Variants in NSUN6 observed in about 807,000 individuals in gnomAD.
NSUN6 encodes the protein NOP2/Sun RNA methyltransferase 6.
In NSUN6, 64 loss-of-function variants were observed where a neutral mutation model predicts 58.0. The ratio of observed to expected loss-of-function variants is 1.10; its 90% CI spans 0.90 to 1.36. NSUN6 has a LOEUF of 1.36. NSUN6 is among the 40% of genes most tolerant of loss of function. NSUN6 has a pLI of 0.00. For missense variants in NSUN6, 701 were observed against 550.1 expected (o/e 1.27, Z -2.74); for synonymous variants, 231 against 193.9 (o/e 1.19, Z -1.59).
At chr10:18,626,583 C>A (rs936402527) in intron 3 of NSUN6, among the ~76,000 whole-genome samples, 11 of 152,172 alleles carry the variant, frequency 7.2e-5, no homozygotes, top group African/African-American at 2.7e-4. Context: ...ACCTGGCCAA[C>A]ATGGTGAAAC....
At chr10:18,611,742 G>C (rs1374947872) in intron 5 of NSUN6, among the ~76,000 whole-genome samples, 1 of 151,734 alleles carries the variant, frequency 6.6e-6, no homozygotes, top group Non-Finnish European at 1.5e-5. Context: ...GTGTGTGTGT[G>C]TGTGTGTCTG....
At chr10:18,609,772 T>A (rs4748493) in intron 6 of NSUN6, 73 bp downstream of exon 6, 458,795 of 868,164 alleles carry the variant, frequency 0.53, 126,715 homozygotes, top group East Asian at 0.98. Flanking sequence ...AATTTTAAAA[T>A]ATCCTAGATT....
chr10:18,620,936 T>C (rs576704832), intron 3 of NSUN6, among the ~76,000 whole-genome samples: 1 of 152,240 alleles, frequency 6.6e-6, no homozygotes, highest in Non-Finnish European at 1.5e-5. Flanking sequence ...GGGGAAAGGA[T>C]GAATTCTGGA....
chr10:18,578,009 G>T (rs1203186296), intron 8 of NSUN6, among the ~76,000 whole-genome samples: 1 of 152,190 alleles, frequency 6.6e-6, no homozygotes, highest in Non-Finnish European at 1.5e-5. Flanking sequence ...ATCTGTAAGG[G>T]CGTACCCTTC....
chr10:18,635,784 G>A (rs1461153279), intron 3 of NSUN6, among the ~76,000 whole-genome samples: 2 of 151,684 alleles, frequency 1.3e-5, no homozygotes, highest in Admixed American at 6.6e-5. Context: ...GTTGCAGTGA[G>A]CCGAGATCCT....
At chr10:18,553,930 TATGGA>T (rs997419215) in intron 8 of NSUN6, among the ~76,000 whole-genome samples, 40 of 138,722 alleles carry the variant, frequency 2.9e-4, no homozygotes, top group African/African-American at 1.0e-3. Flanking sequence ...TGGAGAACGG[TATGGA>T]ATGGAATGGA....
At chr10:18,595,212 G>A (rs537705293) in intron 7 of NSUN6, among the ~76,000 whole-genome samples, 1 of 152,204 alleles carries the variant, frequency 6.6e-6, no homozygotes, top group South Asian at 2.1e-4. Flanking sequence ...TGAATCCCAT[G>A]GACTCCTGAG....
At chr10:18,652,668 T>A, upstream of NSUN6, 7 of 707,384 alleles carry the variant, frequency 9.9e-6, no homozygotes, top group Non-Finnish European at 1.2e-5. Flanking sequence ...CAAGAGATTC[T>A]CCTGCCTTGG....
chr10:18,608,988 T>C (rs1278174442), intron 6 of NSUN6, among the ~76,000 whole-genome samples: 4 of 152,200 alleles, frequency 2.6e-5, no homozygotes, highest in Non-Finnish European at 5.9e-5. Context: ...AAATAATCCC[T>C]GAATTCATAA....
intron 5 of NSUN6, among the ~76,000 whole-genome samples, chr10:18,611,750 C>G (rs11015132): frequency 0.049 from 7,086 of 143,438 alleles, 252 homozygotes; most frequent in Non-Finnish European, 0.077. Context: ...GTGTGTGTGT[C>G]TGTGTGTGTA....
chr10:18,614,798 T>G (rs1163423078), intron 4 of NSUN6, among the ~76,000 whole-genome samples, 185 bp from the exon 5 acceptor site: 1 of 152,020 alleles, frequency 6.6e-6, no homozygotes, highest in Non-Finnish European at 1.5e-5. Flanking sequence ...TCCATAACAA[T>G]AAAACTCACT....
At chr10:18,558,857 A>G (rs1027491157) in intron 8 of NSUN6, among the ~76,000 whole-genome samples, 3 of 151,566 alleles carry the variant, frequency 2.0e-5, no homozygotes, top group African/African-American at 7.3e-5. Context: ...GGAGAATGCA[A>G]TGGAATGGAA....
chr10:18,633,440 A>G (rs1412121675), intron 3 of NSUN6, among the ~76,000 whole-genome samples: 2 of 152,014 alleles, frequency 1.3e-5, no homozygotes, highest in Non-Finnish European at 2.9e-5. Context: ...AATAAAATAA[A>G]TAAATAAAAT....
At chr10:18,608,534 G>A (rs2058118577) in intron 6 of NSUN6, among the ~76,000 whole-genome samples, 1 of 151,510 alleles carries the variant, frequency 6.6e-6, no homozygotes, top group Admixed American at 6.6e-5. Context: ...TACCCAGGAG[G>A]CTGAGGTGGG....
rs896402581 is a variant in NSUN6 at position 18,622,578 on chromosome 10, G to A, written c.312-6285C>T. Among the ~76,000 whole-genome samples, 11 of 152,290 alleles carry A rather than the reference G, an allele frequency of 7.2e-5. No individual in the cohort carries two copies. The East Asian group carries it at 9.7e-4, about 13-fold the overall frequency. Reference sequence around the variant, plus strand: ...AAAATACAAAAATTAGCTCAGCGTGGTGGCAGACGCCTGTAATTCCAGATA... The same window carrying A: ...AAAATACAAAAATTAGCTCAGCGTGATGGCAGACGCCTGTAATTCCAGATA... On this transcript the variant is annotated intron_variant, in intron 3 of 10. Coordinates refer to ENST00000377304, the MANE Select transcript of NSUN6 (RefSeq NM_182543.5).
chr10:18,558,024 G>T (rs968549132), intron 8 of NSUN6, among the ~76,000 whole-genome samples: 2 of 150,870 alleles, frequency 1.3e-5, no homozygotes, highest in African/African-American at 4.9e-5. Flanking sequence ...AGAATGAAAT[G>T]AAATAGAATG....
chr10:18,627,486 T>A (rs1483029624), intron 3 of NSUN6, among the ~76,000 whole-genome samples: 1 of 152,178 alleles, frequency 6.6e-6, no homozygotes, highest in Non-Finnish European at 1.5e-5. Flanking sequence ...TTTCTGCATT[T>A]CCATCTGAGG....
chr10:18,551,626 A>T, intron 9 of NSUN6, 197 bp downstream of exon 9: 1 of 425,688 alleles, frequency 2.3e-6, no homozygotes, highest in Non-Finnish European at 4.2e-6. Context: ...TCAGAATCTC[A>T]TTCCCTTTGA....
At chr10:18,628,945 A>AT (rs994618390) in intron 3 of NSUN6, among the ~76,000 whole-genome samples, 13 of 152,176 alleles carry the variant, frequency 8.5e-5, no homozygotes, top group Admixed American at 2.6e-4. Flanking sequence ...TCCAAGACAC[A>AT]TAATTGTCAG....
Sources: gnomAD v4.1 joint callset for allele counts (sites outside exome capture counted in the v4.1 genomes callset) on GRCh38, gnomAD v4.1.1 for gene constraint, MANE v1.5 for transcripts, NCBI Gene and HGNC (gene_info 2026-07-23, HGNC 2026-07-21) for gene names.